Variants in USP9X observed in about 807,000 individuals in gnomAD.
USP9X encodes ubiquitin specific peptidase 9 X-linked.
A neutral mutation model predicts 190.3 loss-of-function variants in USP9X; 7 were observed. The ratio of observed to expected loss-of-function variants is 0.04; its 90% CI spans 0.02 to 0.07. The LOEUF is 0.07. Ranked by LOEUF, USP9X falls within the 10% of genes least tolerant of loss-of-function variation. The probability of loss-of-function intolerance (pLI) is 1.00; values close to 1 mark genes in which losing one functional copy is unlikely to be tolerated. For synonymous variants in USP9X, 645 were observed against 659.5 expected (o/e 0.98, Z 0.34); for missense variants, 1,010 against 1,916.9 (o/e 0.53, Z 8.83).
intron 11 of USP9X, among the ~76,000 whole-genome samples, chrX:41,148,168 G>T (rs1015198725): frequency 9.0e-6 from 1 of 111,285 alleles, no homozygotes; most frequent in Non-Finnish European, 1.9e-5. Context: ...TTGAAATAGT[G>T]TATCATTTAT....
chrX:41,118,550 A>G (rs1479057810), intron 1 of USP9X, among the ~76,000 whole-genome samples: 2 of 111,788 alleles, frequency 1.8e-5, no homozygotes, highest in African/African-American at 3.3e-5. Flanking sequence ...AGACTTTTAA[A>G]AGAGACACAG....
chrX:41,156,000 A>G (rs758946795), intron 14 of USP9X, among the ~76,000 whole-genome samples: 2 of 112,333 alleles, frequency 1.8e-5, no homozygotes, highest in Admixed American at 1.9e-4. Flanking sequence ...CAAAAATGCC[A>G]ACTAACAAAT....
intron 1 of USP9X, among the ~76,000 whole-genome samples, chrX:41,093,467 C>T (rs1601926439): frequency 8.9e-6 from 1 of 112,082 alleles, no homozygotes; most frequent in Non-Finnish European, 1.9e-5. Context: ...GCCTCGGCCT[C>T]CTGAGTAGCT....
intron 14 of USP9X, among the ~76,000 whole-genome samples, chrX:41,159,484 G>A (rs2062608711): frequency 9.0e-6 from 1 of 111,398 alleles, no homozygotes; most frequent in South Asian, 3.7e-4. Flanking sequence ...TATGCTAAGT[G>A]GGAAAAAGTC....
Position 41,201,337 on chromosome X carries a change from A to G in USP9X, c.4824+57A>G, listed in dbSNP as rs758330957. The G allele has an allele frequency of 3.9e-5, 41 of 1,056,818 alleles. No homozygotes were observed. The African/African-American group carries it at 5.9e-4, about 15-fold the overall frequency. The allele number at this position is 1,056,818 out of a possible 1,213,427, so 87.1% of individuals were successfully genotyped here. ...GTTTCAAGTTATGATACCAGATACT[A>G]TTCTCTCTTAAGAGAGTGTTATACT... On this transcript the variant is annotated intron_variant, in intron 31 of 44. Coordinates refer to ENST00000378308, the MANE Select transcript of USP9X (RefSeq NM_001039591.3).
intron 1 of USP9X, among the ~76,000 whole-genome samples, chrX:41,114,127 T>C (rs2062129426): frequency 8.9e-6 from 1 of 112,675 alleles, no homozygotes; most frequent in Admixed American, 9.4e-5. Context: ...AAATGGTCTA[T>C]CATAGTAAAA....
At position 41,134,712 on chromosome X, in the gene USP9X, C is replaced by T; in HGVS notation, c.323-13C>T. 2 of 1,193,522 alleles carry T rather than the reference C, an allele frequency of 1.7e-6. No homozygotes were observed. Among genetic ancestry groups the T allele is most frequent in the Admixed American group, 2.2e-5 (1 of 45,580 alleles). On this transcript the variant is annotated splice_polypyrimidine_tract_variant and intron_variant, in intron 4 of 44. Transcript: ENST00000378308. Reference sequence around the variant, plus strand: ...ACATTTTGTTTGCATTAATTTTTCTCCCTTTTTCTTAGGCCTTGATGTTAA... The same window carrying T: ...ACATTTTGTTTGCATTAATTTTTCTTCCTTTTTCTTAGGCCTTGATGTTAA...
rs191131574 is a variant in USP9X at position 41,168,870 on chromosome X, G to A, written c.2636+652G>A. Among the ~76,000 whole-genome samples, 98 of 107,817 alleles carry A rather than the reference G, an allele frequency of 9.1e-4. 1 individual carries two copies. The highest frequency in any genetic ancestry group is 1.0e-3 in the Non-Finnish European group (52 of 51,789). 93.6% of individuals were successfully genotyped at this position (107,817 alleles called of 115,157 possible). A position where few individuals can be genotyped will look rare whatever the true frequency, so the allele number is the denominator to read the frequency against. ...CAAATGGTGTTTATAGTTTTGGGAT[G>A]TTTTGTGTAGTCAATGCCATCATTT... On this transcript the variant is annotated intron_variant, in intron 18 of 44. Coordinates refer to ENST00000378308, the MANE Select transcript of USP9X (RefSeq NM_001039591.3).
intron 1 of USP9X, among the ~76,000 whole-genome samples, chrX:41,097,021 T>G (rs768291428): frequency 3.8e-5 from 4 of 104,906 alleles, no homozygotes; most frequent in Non-Finnish European, 7.9e-5. Context: ...AACTTGAATG[T>G]CTCCTCTCCC....
Position 41,161,305 on chromosome X carries a change from TAA to T in USP9X, c.1898-1483_1898-1482del, listed in dbSNP as rs777210596. ...GATGTAAACAATTGGTGAATACAGGTAAAGAGTATAAGAGAATTCTTGCCTTT... is the reference window on the plus strand; with the variant it reads ...GATGTAAACAATTGGTGAATACAGGTAGAGTATAAGAGAATTCTTGCCTTT... On this transcript the variant is annotated intron_variant, in intron 14 of 44. Coordinates refer to ENST00000378308, the MANE Select transcript of USP9X (RefSeq NM_001039591.3). Among the ~76,000 whole-genome samples the T allele has an allele frequency of 1.5e-4, 15 of 100,568 alleles. No homozygotes were observed. In the South Asian group the frequency reaches 4.7e-3, roughly 32 times the overall value. 87.3% of individuals were successfully genotyped at this position (100,568 alleles called of 115,157 possible).
At position 41,136,812 on chromosome X, in the gene USP9X, T is replaced by A; in HGVS notation, c.444T>A (p.Ile148=). 8.3e-7 allele frequency: 1 copy of A among 1,208,630 alleles called. No individual in the cohort carries two copies. The highest frequency in any genetic ancestry group is 1.1e-6 in the Non-Finnish European group (1 of 892,690). ...TCCCCCTTGTATAACAGAGGTGTAT[T>A]ATTAACAATACTCATCGTCTGGTGG... ...SGWKFEIHRC[I]INNTHRLVEL... The change falls in exon 6 of 45, where the codon ATT becomes ATA. Residue 148 remains isoleucine, a synonymous_variant. Coordinates refer to ENST00000378308, the MANE Select transcript of USP9X (RefSeq NM_001039591.3).
intron 29 of USP9X, 59 bp from the exon 30 acceptor site, chrX:41,198,468 CT>C (rs35107393): frequency 7.2e-5 from 62 of 860,203 alleles, no homozygotes; most frequent in East Asian, 2.9e-4. Context: ...TACAAGAGAA[CT>C]TTTTTTTTCT....
At chrX:41,179,018 G>C (rs975856453) in intron 21 of USP9X, among the ~76,000 whole-genome samples, 1 of 111,620 alleles carries the variant, frequency 9.0e-6, no homozygotes, top group Non-Finnish European at 1.9e-5. Flanking sequence ...AAAATCAGTT[G>C]TTTCTGATTA....
At chrX:41,201,846 C>G (rs963444458) in intron 31 of USP9X, among the ~76,000 whole-genome samples, 4 of 111,540 alleles carry the variant, frequency 3.6e-5, no homozygotes, top group African/African-American at 1.3e-4. Context: ...TGGCACATGC[C>G]TGTAGTCCTA....
chrX:41,227,311 T>G (rs897070212), intron 41 of USP9X, among the ~76,000 whole-genome samples: 6 of 111,702 alleles, frequency 5.4e-5, no homozygotes, highest in Non-Finnish European at 1.1e-4. Flanking sequence ...AAATATGATA[T>G]GGCAGAAATA....
chrX:41,203,874 T>G (rs1340677848), intron 31 of USP9X, among the ~76,000 whole-genome samples: 2 of 110,490 alleles, frequency 1.8e-5, no homozygotes, highest in African/African-American at 6.6e-5. Context: ...ATTTTTGTAT[T>G]TTTAGTAGAG....
chrX:41,213,831 CT>C (rs200483029), intron 33 of USP9X, among the ~76,000 whole-genome samples: 1,558 of 111,770 alleles, frequency 0.014, 22 homozygotes, highest in African/African-American at 0.046. Flanking sequence ...CTTTGTGTAC[CT>C]TTTTTCCGGA....
At chrX:41,199,858 C>T (rs2063026926) in intron 30 of USP9X, among the ~76,000 whole-genome samples, 1 of 111,770 alleles carries the variant, frequency 8.9e-6, no homozygotes, top group South Asian at 3.7e-4. Flanking sequence ...CATTTTGGTG[C>T]ACCTTATTTA....
At chrX:41,088,582 T>C (rs1256411687) in intron 1 of USP9X, among the ~76,000 whole-genome samples, 5 of 112,342 alleles carry the variant, frequency 4.5e-5, no homozygotes, top group Non-Finnish European at 7.5e-5. Flanking sequence ...ATTTGAAATA[T>C]CTAGCAGTGT....
Sources: gnomAD v4.1 joint callset for allele counts (sites outside exome capture counted in the v4.1 genomes callset) on GRCh38, gnomAD v4.1.1 for gene constraint, MANE v1.5 for transcripts, NCBI Gene and HGNC (gene_info 2026-07-23, HGNC 2026-07-21) for gene names.